Variants in CERS3 observed in about 807,000 individuals in gnomAD.
The protein encoded by CERS3 is LAG1 homolog, ceramide synthase 3.
A neutral mutation model predicts 50.3 loss-of-function variants in CERS3; 33 were observed. The observed-to-expected ratio is 0.66, with a 90% CI of 0.50 to 0.88. The LOEUF (loss-of-function observed/expected upper bound fraction) is 0.88, where lower values mean the gene tolerates loss of function less well. Among genes scored for constraint, CERS3 ranks in the 40% least tolerant of loss-of-function variants. The pLI is 0.00. For synonymous variants in CERS3, 176 were observed against 155.2 expected (o/e 1.13, Z -0.99); for missense variants, 470 against 460.3 (o/e 1.02, Z -0.19).
chr15:100,501,641 G>T (rs1275123559), intron 3 of CERS3, 36 bp downstream of exon 3: 5 of 1,533,424 alleles, frequency 3.3e-6, no homozygotes, highest in Non-Finnish European at 4.5e-6. Flanking sequence ...AGAGCAAAGA[G>T]GGGGAATGGG....
chr15:100,420,418 T>G (rs1260756559), intron 11 of CERS3, among the ~76,000 whole-genome samples: 2 of 152,088 alleles, frequency 1.3e-5, no homozygotes, highest in Non-Finnish European at 2.9e-5. Context: ...AATAACAGGA[T>G]CTGAAATTGT....
intron 1 of CERS3, among the ~76,000 whole-genome samples, chr15:100,540,139 C>T (rs1036367107): frequency 2.0e-5 from 3 of 152,210 alleles, no homozygotes; most frequent in African/African-American, 7.2e-5. Context: ...ACTATTGTCC[C>T]CTTTGGTTGA....
At chr15:100,466,274 ACAT>A (rs10611079) in intron 10 of CERS3, among the ~76,000 whole-genome samples, 76,238 of 151,624 alleles carry the variant, frequency 0.5, 19,681 homozygotes, top group Middle Eastern at 0.57. Flanking sequence ...TTATTTTGAG[ACAT>A]CATGGGATAG....
chr15:100,408,300 C>T (rs1327277487), intron 11 of CERS3, among the ~76,000 whole-genome samples: 3 of 152,034 alleles, frequency 2.0e-5, no homozygotes, highest in Non-Finnish European at 4.4e-5. Context: ...TCCAGGAAAC[C>T]ATGTCACTGA....
At chr15:100,413,678 T>C (rs1191373169) in intron 11 of CERS3, among the ~76,000 whole-genome samples, 1 of 151,436 alleles carries the variant, frequency 6.6e-6, no homozygotes, top group African/African-American at 2.4e-5. Flanking sequence ...TTGGTGAGCA[T>C]GTGGGGAAAA....
At chr15:100,417,230 G>A (rs974118272) in intron 11 of CERS3, among the ~76,000 whole-genome samples, 13 of 151,622 alleles carry the variant, frequency 8.6e-5, no homozygotes, top group East Asian at 5.9e-4. Context: ...TGCGTGCACC[G>A]TGCGTGAGCC....
chr15:100,419,035 A>C (rs1303657684), intron 11 of CERS3, among the ~76,000 whole-genome samples: 1 of 138,680 alleles, frequency 7.2e-6, no homozygotes, highest in Non-Finnish European at 1.6e-5. Flanking sequence ...AACGAGCAAA[A>C]TCACCAGCTA....
intron 11 of CERS3, among the ~76,000 whole-genome samples, chr15:100,454,251 G>T (rs1201202111): frequency 1.3e-5 from 2 of 152,074 alleles, no homozygotes; most frequent in Non-Finnish European, 2.9e-5. Context: ...TTAGTGAAGT[G>T]TGGTGGCATG....
At chr15:100,534,176 G>C (rs2037014748) in intron 1 of CERS3, among the ~76,000 whole-genome samples, 1 of 152,282 alleles carries the variant, frequency 6.6e-6, no homozygotes, top group East Asian at 1.9e-4. Context: ...GTGGCTGTCA[G>C]TGATGGGACA....
Position 100,404,017 on chromosome 15 carries a change from G to A in CERS3, c.1000-1152C>T, listed in dbSNP as rs571326043. 5.3e-5 allele frequency among the ~76,000 whole-genome samples: 8 copies of A among 152,296 alleles called. No individual in the cohort carries two copies. In the South Asian group the frequency reaches 1.7e-3, roughly 32 times the overall value. On this transcript the variant is annotated intron_variant, in intron 11 of 11. Coordinates refer to ENST00000679737, the MANE Select transcript of CERS3 (RefSeq NM_001378789.1). ...ACAAGTGGTCCTTATAAAAACAGAG[G>A]CAGAGGAAGGGCCAACACACAGAAG...
At chr15:100,532,165 G>C (rs1321291344), upstream of CERS3, among the ~76,000 whole-genome samples, 1 of 152,208 alleles carries the variant, frequency 6.6e-6, no homozygotes, top group East Asian at 1.9e-4. Flanking sequence ...AGGTCCCACA[G>C]TTGCATGGGT....
intron 11 of CERS3, among the ~76,000 whole-genome samples, chr15:100,433,960 G>A (rs2033268689): frequency 6.6e-6 from 1 of 152,170 alleles, no homozygotes; most frequent in Non-Finnish European, 1.5e-5. Context: ...GTAGATTTAG[G>A]GGCTACCATC....
chr15:100,476,196 A>G lies in CERS3; in HGVS notation c.517-18T>C, dbSNP rs1453951751. ...AGCAGGGGCTGAGGAAAAGAAGAGT[A>G]TTCATTACTTTAAATGCCATCATAG... On this transcript the variant is annotated intron_variant, in intron 7 of 11. Transcript: ENST00000679737. 1 of 1,509,712 alleles carries G rather than the reference A, an allele frequency of 6.6e-7. No individual in the cohort carries two copies. Among genetic ancestry groups the G allele is most frequent in the Non-Finnish European group, 8.9e-7 (1 of 1,122,280 alleles). The allele number at this position is 1,509,712 out of a possible 1,614,324, so 93.5% of individuals were successfully genotyped here. A position where few individuals can be genotyped will look rare whatever the true frequency, so the allele number is the denominator to read the frequency against.
intron 5 of CERS3, among the ~76,000 whole-genome samples, chr15:100,483,686 G>T (rs964776276): frequency 5.9e-5 from 9 of 151,766 alleles, no homozygotes; most frequent in Admixed American, 2.0e-4. Flanking sequence ...CCTTAAACTA[G>T]ATGGATGTGC....
At chr15:100,406,411 G>A (rs972680848) in intron 11 of CERS3, among the ~76,000 whole-genome samples, 3 of 152,158 alleles carry the variant, frequency 2.0e-5, no homozygotes, top group Non-Finnish European at 2.9e-5. Context: ...CAGCATATAT[G>A]TAACCAAATA....
intron 1 of CERS3, among the ~76,000 whole-genome samples, chr15:100,543,137 C>T (rs1382741289): frequency 1.3e-5 from 2 of 152,248 alleles, no homozygotes; most frequent in East Asian, 1.9e-4. Flanking sequence ...GTCTCGAACT[C>T]CTGACTTCAG....
At chr15:100,434,540 C>G (rs966538335) in intron 11 of CERS3, among the ~76,000 whole-genome samples, 1 of 152,168 alleles carries the variant, frequency 6.6e-6, no homozygotes, top group African/African-American at 2.4e-5. Flanking sequence ...AATAAGGTTT[C>G]TTTTGTGTCA....
intron 1 of CERS3, among the ~76,000 whole-genome samples, chr15:100,535,784 G>A (rs1200926267): frequency 7.5e-6 from 1 of 132,498 alleles, no homozygotes; most frequent in Non-Finnish European, 1.6e-5. Flanking sequence ...TGCACGGGAA[G>A]TGGGGACATC....
intron 2 of CERS3, among the ~76,000 whole-genome samples, chr15:100,513,995 T>G (rs74039511): frequency 0.022 from 3,367 of 152,190 alleles, 142 homozygotes; most frequent in African/African-American, 0.077. Context: ...GTACAAATAG[T>G]AAGTGCTCAA....
Sources: allele counts gnomAD v4.1 joint callset (sites outside exome capture counted in the v4.1 genomes callset), GRCh38; gene constraint gnomAD v4.1.1; transcripts MANE v1.5; gene names NCBI Gene and HGNC (gene_info 2026-07-23, HGNC 2026-07-21).